SLX4IP: variants seen among roughly 807,000 people sequenced by gnomAD.
SLX4IP encodes the protein SLX4 interacting protein.
A neutral mutation model predicts 32.9 loss-of-function variants in SLX4IP; 34 were observed. The observed-to-expected ratio is 1.03, with a 90% CI of 0.79 to 1.38. The LOEUF is 1.38. Ranked by LOEUF, SLX4IP falls within the 40% of genes most tolerant of loss-of-function variation. The probability of loss-of-function intolerance (pLI) is 0.00; values close to 1 mark genes in which losing one functional copy is unlikely to be tolerated. For synonymous variants in SLX4IP, 172 were observed against 171.7 expected (o/e 1.00, Z -0.01); for missense variants, 444 against 479.0 (o/e 0.93, Z 0.68).
intron 2 of SLX4IP, among the ~76,000 whole-genome samples, chr20:10,518,233 C>G (rs190886397): frequency 4.6e-4 from 70 of 152,314 alleles, no homozygotes; most frequent in African/African-American, 1.6e-3. Context: ...GATATACTTG[C>G]TAACTTTAAG....
At chr20:10,591,151 C>G (rs2066704753) in intron 4 of SLX4IP, among the ~76,000 whole-genome samples, 2 of 152,120 alleles carry the variant, frequency 1.3e-5, no homozygotes, top group Admixed American at 6.5e-5. Context: ...CCTGTCTTAC[C>G]CCTCAGGCAT....
At chr20:10,565,199 C>T (rs2066377785) in intron 4 of SLX4IP, among the ~76,000 whole-genome samples, 2 of 152,136 alleles carry the variant, frequency 1.3e-5, no homozygotes, top group Non-Finnish European at 2.9e-5. Context: ...AGCTTGAAAC[C>T]CTCTGTGGTC....
chr20:10,463,047 C>T (rs1230074084), intron 2 of SLX4IP, among the ~76,000 whole-genome samples: 1 of 152,150 alleles, frequency 6.6e-6, no homozygotes, highest in Non-Finnish European at 1.5e-5. Context: ...TAGAGAGACC[C>T]TGTCTCTAAA....
In SLX4IP at chr20:10,474,654, G is replaced by A. The variant is rs542950800; in HGVS notation, c.27+16423G>A. 6.6e-5 allele frequency among the ~76,000 whole-genome samples: 10 copies of A among 152,346 alleles called. No individual in the cohort carries two copies. In the East Asian group the frequency reaches 7.7e-4, roughly 12 times the overall value. ...ATGGGCCTTGGGGGCCTGGGCTGGG[G>A]CTGGAGCCTCTCCACTTCCGCCGGC... On this transcript the variant is annotated intron_variant, in intron 2 of 7. Transcript: ENST00000334534.
Position 10,545,942 on chromosome 20 carries a change from A to G in SLX4IP, c.28-10289A>G, listed in dbSNP as rs1321850264. 2.6e-5 allele frequency among the ~76,000 whole-genome samples: 4 copies of G among 152,344 alleles called. No individual in the cohort carries two copies. In the East Asian group the frequency reaches 5.8e-4, roughly 22 times the overall value. ...TAAATTCCTCTAACTCATAAACTGA[A>G]AAGCTTTTCTTTCATGTCAGGATTC... On this transcript the variant is annotated intron_variant, in intron 2 of 7. Coordinates refer to ENST00000334534, the MANE Select transcript of SLX4IP (RefSeq NM_001009608.3).
intron 4 of SLX4IP, among the ~76,000 whole-genome samples, chr20:10,574,219 C>G (rs553784323): frequency 6.6e-6 from 1 of 152,082 alleles, no homozygotes; most frequent in South Asian, 2.1e-4. Context: ...TTAATTTTTA[C>G]AAGAAATTAA....
In SLX4IP at chr20:10,625,930, A is replaced by G. The variant is rs1228871210; in HGVS notation, c.*2551A>G. ...AAGTACAAAGGGGTAAATGGATGCC[A>G]GGGGTTTTTTGTTGTTGTTGCTTAT... On this transcript the variant is annotated 3_prime_UTR_variant, in exon 8 of 8. Coordinates refer to ENST00000334534, the MANE Select transcript of SLX4IP (RefSeq NM_001009608.3). 1 of 151,644 alleles carries G rather than the reference A, an allele frequency of 6.6e-6. No individual in the cohort carries two copies. The highest frequency in any genetic ancestry group is 1.5e-5 in the Non-Finnish European group (1 of 67,968). 9.4% of individuals were successfully genotyped at this position (151,644 alleles called of 1,614,324 possible). A position where few individuals can be genotyped will look rare whatever the true frequency, so the allele number is the denominator to read the frequency against.
chr20:10,612,328 A>G (rs918308713), intron 6 of SLX4IP, among the ~76,000 whole-genome samples: 1 of 152,188 alleles, frequency 6.6e-6, no homozygotes, highest in Non-Finnish European at 1.5e-5. Context: ...GGACAAGCCA[A>G]CAATGAACAT....
intron 1 of SLX4IP, among the ~76,000 whole-genome samples, chr20:10,447,498 G>A (rs6039942): frequency 0.095 from 14,429 of 151,994 alleles, 759 homozygotes; most frequent in East Asian, 0.15. Context: ...TTTGTGGGAT[G>A]CTAGTTTAAA....
intron 2 of SLX4IP, among the ~76,000 whole-genome samples, chr20:10,493,366 A>G (rs2065641363): frequency 6.6e-6 from 1 of 152,102 alleles, no homozygotes; most frequent in South Asian, 2.1e-4. Context: ...TAAATTGGAT[A>G]TTTTATTCTA....
At chr20:10,599,982 G>T (rs1215138603) in intron 5 of SLX4IP, among the ~76,000 whole-genome samples, 1 of 151,868 alleles carries the variant, frequency 6.6e-6, no homozygotes, top group Non-Finnish European at 1.5e-5. Context: ...TTATTTGATA[G>T]AACTGATAAT....
chr20:10,601,906 T>C, intron 6 of SLX4IP, 87 bp downstream of exon 6: 1 of 1,216,926 alleles, frequency 8.2e-7, no homozygotes, highest in Admixed American at 1.9e-5. Flanking sequence ...TGTCTGCTGT[T>C]GTCATTCAGC....
At chr20:10,489,711 GT>G (rs1250974479) in intron 2 of SLX4IP, among the ~76,000 whole-genome samples, 1 of 152,150 alleles carries the variant, frequency 6.6e-6, no homozygotes, top group Non-Finnish European at 1.5e-5. Context: ...ATTACCCATG[GT>G]GACATGTGTC....
chr20:10,589,075 A>G (rs1358510928), intron 4 of SLX4IP, among the ~76,000 whole-genome samples: 7 of 152,218 alleles, frequency 4.6e-5, no homozygotes, highest in East Asian at 1.9e-4. Flanking sequence ...TTTATCAATT[A>G]TACCCCAATA....
intron 4 of SLX4IP, among the ~76,000 whole-genome samples, chr20:10,581,069 G>C (rs545658390): frequency 6.6e-6 from 1 of 152,094 alleles, no homozygotes; most frequent in East Asian, 1.9e-4. Flanking sequence ...TTCCAGAAAA[G>C]CTGTGTTGAG....
chr20:10,457,545 C>T (rs1424323153), intron 1 of SLX4IP, among the ~76,000 whole-genome samples: 1 of 150,226 alleles, frequency 6.7e-6, no homozygotes, highest in Non-Finnish European at 1.5e-5. Context: ...TCCTTGCATT[C>T]TTGGGCTACA....
At chr20:10,480,245 A>G (rs1051521430) in intron 2 of SLX4IP, among the ~76,000 whole-genome samples, 2 of 152,020 alleles carry the variant, frequency 1.3e-5, no homozygotes, top group African/African-American at 4.8e-5. Flanking sequence ...AATACAAAAT[A>G]TTAACCAGGC....
At chr20:10,594,562 A>G (rs2066748016) in intron 4 of SLX4IP, among the ~76,000 whole-genome samples, 1 of 152,202 alleles carries the variant, frequency 6.6e-6, no homozygotes, top group Admixed American at 6.5e-5. Context: ...GTGAGGCTGG[A>G]TAGTTTTACA....
At chr20:10,525,981 G>A (rs1211303762) in intron 2 of SLX4IP, among the ~76,000 whole-genome samples, 1 of 152,128 alleles carries the variant, frequency 6.6e-6, no homozygotes, top group Non-Finnish European at 1.5e-5. Flanking sequence ...CATTCTTGGA[G>A]CTGAGCAGCA....
Sources: gnomAD v4.1 joint callset for allele counts (sites outside exome capture counted in the v4.1 genomes callset) on GRCh38, gnomAD v4.1.1 for gene constraint, MANE v1.5 for transcripts, NCBI Gene and HGNC (gene_info 2026-07-23, HGNC 2026-07-21) for gene names.